Variants in ALPK1 observed in about 807,000 individuals in gnomAD.
The protein encoded by ALPK1 is alpha-protein kinase 1.
Under a neutral mutation model 120.6 loss-of-function variants are expected in ALPK1, and 110 were observed. That is an observed-to-expected ratio of 0.91 (90% CI 0.78 to 1.07). The LOEUF (loss-of-function observed/expected upper bound fraction) is 1.07, where lower values mean the gene tolerates loss of function less well. Among genes scored for constraint, ALPK1 ranks in the 50% least tolerant of loss-of-function variants. The pLI is 0.00. For synonymous variants in ALPK1, 582 were observed against 560.3 expected, an observed-to-expected ratio of 1.04 and a Z score of -0.55; for missense variants, 1,498 against 1,483.9, an observed-to-expected ratio of 1.01 and a Z score of -0.16.
At chr4:112,413,446 T>C (rs1459721407) in intron 5 of ALPK1, among the ~76,000 whole-genome samples, 1 of 152,214 alleles carries the variant, frequency 6.6e-6, no homozygotes, top group Non-Finnish European at 1.5e-5. Context: ...TTTGAGACAG[T>C]CTCGCTCTGT....
chr4:112,428,176 A>G (rs1045255773), intron 9 of ALPK1: 1 of 153,024 alleles, frequency 6.5e-6, no homozygotes, highest in Non-Finnish European at 1.5e-5. Context: ...AGCAAAGTGT[A>G]TCATTCCATT....
At chr4:112,438,253 T>C (rs1370640866) in intron 12 of ALPK1, among the ~76,000 whole-genome samples, 1 of 152,158 alleles carries the variant, frequency 6.6e-6, no homozygotes, top group Non-Finnish European at 1.5e-5. Context: ...CACTTTCCCT[T>C]TATAATCAGT....
At chr4:112,359,896 C>A in intron 2 of ALPK1, 1 of 239,646 alleles carries the variant, frequency 4.2e-6, no homozygotes, top group South Asian at 4.5e-5. Flanking sequence ...CAAGAACTCA[C>A]CCAACAGAAT....
At position 112,431,936 on chromosome 4, in the gene ALPK1, G is replaced by A. The variant is rs1419246065; in HGVS notation, c.2389G>A (p.Asp797Asn). The change falls in exon 11 of 16, where the codon GAT (aspartate) becomes AAT (asparagine). Residue 797 changes from aspartate (D) to asparagine (N), a missense_variant. Physicochemically the swap from Asp to Asn is conservative, Grantham distance 23 (BLOSUM62 1). Transcript: ENST00000650871. ...PEGETAESTEDAPLDFHRVLH... is the reference protein window; with the variant it reads ...PEGETAESTENAPLDFHRVLH... ...AGGAGAAACAGCAGAAAGCACTGAA[G>A]ATGCACCCTTAGACTTTCACAGGGT... 1 of 1,613,970 alleles carries A rather than the reference G, an allele frequency of 6.2e-7. No homozygotes were observed. The highest frequency in any genetic ancestry group is 8.5e-7 in the Non-Finnish European group (1 of 1,180,064).
intron 2 of ALPK1, among the ~76,000 whole-genome samples, chr4:112,331,664 C>A (rs925626889): frequency 6.6e-6 from 1 of 152,240 alleles, no homozygotes; most frequent in African/African-American, 2.4e-5. Context: ...TGGACATTTT[C>A]TATCCTGTCC....
intron 4 of ALPK1, among the ~76,000 whole-genome samples, chr4:112,387,252 TTAAAA>T (rs2148732107): frequency 6.6e-6 from 1 of 152,306 alleles, no homozygotes; most frequent in Non-Finnish European, 1.5e-5. Context: ...GTCTAGTGAA[TTAAAA>T]TAAAATATGA....
chr4:112,424,012 T>C lies in ALPK1; in HGVS notation c.535+9T>C. Reference sequence around the variant, plus strand: ...CAACAATGGAGCAACGGGTGAGTACTTTCATATCTTCACAATGACTTTTAC... The same window carrying C: ...CAACAATGGAGCAACGGGTGAGTACCTTCATATCTTCACAATGACTTTTAC... On this transcript the variant is annotated intron_variant, in intron 6 of 15. Coordinates refer to ENST00000650871, the MANE Select transcript of ALPK1 (RefSeq NM_025144.4). 6.2e-7 allele frequency: 1 copy of C among 1,612,990 alleles called. No homozygotes were observed. Among genetic ancestry groups the C allele is most frequent in the South Asian group, 1.1e-5 (1 of 91,046 alleles).
rs752279606 is a variant in ALPK1 at position 112,431,753 on chromosome 4, C to T, written c.2206C>T (p.Pro736Ser). Reference protein sequence around the residue: ...SGRPKNMGTHPSVQKEEAFEI... With the variant: ...SGRPKNMGTHSSVQKEEAFEI... Reference sequence around the variant, plus strand: ...TAGGCCCAAGAATATGGGCACACATCCTTCAGTCCAAAAAGAAGAAGCCTT... The same window carrying T: ...TAGGCCCAAGAATATGGGCACACATTCTTCAGTCCAAAAAGAAGAAGCCTT... The change falls in exon 11 of 16, where the codon CCT becomes TCT. Residue 736 changes from proline to serine, a missense_variant. By Grantham distance (74) the Pro-to-Ser change is moderately conservative. Transcript: ENST00000650871. 13 of 1,614,074 alleles carry T rather than the reference C, an allele frequency of 8.1e-6. No homozygotes were observed. The East Asian group carries it at 2.0e-4, about 25-fold the overall frequency.
chr4:112,435,435 T>C (rs1362342898), intron 12 of ALPK1, 134 bp downstream of exon 12: 9 of 771,010 alleles, frequency 1.2e-5, no homozygotes, highest in Non-Finnish European at 1.9e-5. Flanking sequence ...TACTCCTTTT[T>C]CTTTTCATTA....
chr4:112,356,267 G>GCGTCTTGCCT, intron 2 of ALPK1: 1 of 1,273,942 alleles, frequency 7.8e-7, no homozygotes, highest in Non-Finnish European at 1.1e-6. Flanking sequence ...CGCGGGCACA[G>GCGTCTTGCCT]GCAAGACGCT....
intron 2 of ALPK1, among the ~76,000 whole-genome samples, chr4:112,323,430 C>A (rs1360703603): frequency 6.6e-6 from 1 of 152,120 alleles, no homozygotes; most frequent in Admixed American, 6.5e-5. Context: ...AGAACTATGT[C>A]TAATTCATCC....
At position 112,431,134 on chromosome 4, in the gene ALPK1, G is replaced by A; in HGVS notation, c.1587G>A (p.Arg529=). Residue 529 remains arginine, a synonymous_variant, in exon 11 of 16, where the codon AGG becomes AGA. Coordinates refer to ENST00000650871, the MANE Select transcript of ALPK1 (RefSeq NM_025144.4). ...CCCTAATGGGTAAGAATGTTCAGAGGGAACTCAGAAGGGGAGGAAGGAGAA... is the reference window on the plus strand; with the variant it reads ...CCCTAATGGGTAAGAATGTTCAGAGAGAACTCAGAAGGGGAGGAAGGAGAA... ...SSSLMGKNVQ[R]ELRRGGRRNW... The A allele has an allele frequency of 6.2e-7, 1 of 1,614,156 alleles. No homozygotes were observed. The highest frequency in any genetic ancestry group is 8.5e-7 in the Non-Finnish European group (1 of 1,180,032).
chr4:112,399,178 A>T (rs6820237), intron 4 of ALPK1, among the ~76,000 whole-genome samples: 23,060 of 152,156 alleles, frequency 0.15, 2,475 homozygotes, highest in African/African-American at 0.31. Context: ...TGGAGGAGAG[A>T]AGCAGTCTCA....
intron 2 of ALPK1, among the ~76,000 whole-genome samples, chr4:112,323,903 G>C (rs185881075): frequency 6.6e-6 from 1 of 152,296 alleles, no homozygotes; most frequent in East Asian, 1.9e-4. Context: ...GCTGACATCT[G>C]CTCCTCATGT....
rs182205408 is a variant in ALPK1, at chr4:112,421,015, T to G, written c.476-2929T>G. ...GCCTGGCTACTTTTTGTATTTTTAGTAGAGACGGGGTTTCACCATATTGGT... is the reference window on the plus strand; with the variant it reads ...GCCTGGCTACTTTTTGTATTTTTAGGAGAGACGGGGTTTCACCATATTGGT... On this transcript the variant is annotated intron_variant, in intron 5 of 15. Transcript: ENST00000650871. Among the ~76,000 whole-genome samples the G allele has an allele frequency of 6.6e-5, 10 of 152,244 alleles. 1 individual carries two copies. The highest frequency in any genetic ancestry group is 1.9e-4 in the African/African-American group (8 of 41,542).
At chr4:112,337,894 T>C (rs1379269104) in intron 2 of ALPK1, among the ~76,000 whole-genome samples, 1 of 152,246 alleles carries the variant, frequency 6.6e-6, no homozygotes, top group Non-Finnish European at 1.5e-5. Flanking sequence ...TAAGTTTAAA[T>C]ATATGTTTAT....
intron 13 of ALPK1, among the ~76,000 whole-genome samples, chr4:112,439,232 A>G (rs1376277298): frequency 6.6e-6 from 1 of 152,140 alleles, no homozygotes; most frequent in African/African-American, 2.4e-5. Context: ...CCTAATCATA[A>G]TAGTAATTAT....
intron 2 of ALPK1, among the ~76,000 whole-genome samples, chr4:112,354,558 C>G (rs573711413): frequency 5.9e-5 from 9 of 152,296 alleles, no homozygotes; most frequent in Admixed American, 2.0e-4. Flanking sequence ...GCCTCCGCCT[C>G]CCAGGTTCAA....
At chr4:112,300,262 A>G (rs1233204905) in intron 1 of ALPK1, among the ~76,000 whole-genome samples, 1 of 152,194 alleles carries the variant, frequency 6.6e-6, no homozygotes. Context: ...TGGTATAGAT[A>G]TAAATTCAGA....
Sources: gnomAD v4.1 joint callset for allele counts (sites outside exome capture counted in the v4.1 genomes callset) on GRCh38, gnomAD v4.1.1 for gene constraint, MANE v1.5 for transcripts, NCBI Gene and HGNC (gene_info 2026-07-23, HGNC 2026-07-21) for gene names.